TNR: variants seen among roughly 807,000 people sequenced by gnomAD.
TNR encodes tenascin-R.
Under a neutral mutation model 150.4 loss-of-function variants are expected in TNR, and 45 were observed. The ratio of observed to expected loss-of-function variants is 0.30; its 90% CI spans 0.24 to 0.38. The LOEUF (loss-of-function observed/expected upper bound fraction) is 0.38. Ranked by LOEUF, TNR falls within the 10% of genes least tolerant of loss-of-function variation. TNR has a pLI of 1.00. For missense variants in TNR, 1,544 were observed against 1,759.1 expected (o/e 0.88, Z 2.19); for synonymous variants, 687 against 678.4 (o/e 1.01, Z -0.20).
intron 1 of TNR, among the ~76,000 whole-genome samples, chr1:175,653,993 T>G (rs114148141): frequency 1.9e-3 from 291 of 152,336 alleles, no homozygotes; most frequent in African/African-American, 6.8e-3. Context: ...TAAGAATACT[T>G]TTTCTACAAG....
chr1:175,718,602 A>G (rs1667219750), intron 1 of TNR, among the ~76,000 whole-genome samples: 1 of 152,172 alleles, frequency 6.6e-6, no homozygotes, highest in South Asian at 2.1e-4. Flanking sequence ...AGAGACTTTT[A>G]TCTCCCCTCG....
At chr1:175,584,135 C>A (rs1392064833) in intron 1 of TNR, among the ~76,000 whole-genome samples, 2 of 152,150 alleles carry the variant, frequency 1.3e-5, no homozygotes, top group Non-Finnish European at 2.9e-5. Flanking sequence ...CAGAATGTGA[C>A]CCCATTTGGA....
chr1:175,581,715 T>C (rs7515543), intron 1 of TNR, among the ~76,000 whole-genome samples: 2,570 of 152,304 alleles, frequency 0.017, 69 homozygotes, highest in African/African-American at 0.059. Flanking sequence ...ATTTGCAAAA[T>C]GACAGATTAG....
intron 2 of TNR, among the ~76,000 whole-genome samples, chr1:175,455,823 G>A (rs766522160): frequency 5.9e-5 from 9 of 152,212 alleles, no homozygotes; most frequent in Non-Finnish European, 1.0e-4. Context: ...GGTCCTTGAG[G>A]ATGAAAGTTG....
chr1:175,686,900 C>T (rs1289516204), intron 1 of TNR, among the ~76,000 whole-genome samples: 1 of 152,174 alleles, frequency 6.6e-6, no homozygotes, highest in Non-Finnish European at 1.5e-5. Flanking sequence ...TTGATGGACA[C>T]TTAAGTTGAT....
At chr1:175,472,666 T>A (rs1657355285) in intron 2 of TNR, among the ~76,000 whole-genome samples, 1 of 152,220 alleles carries the variant, frequency 6.6e-6, no homozygotes, top group African/African-American at 2.4e-5. Context: ...AAATCGTGGT[T>A]ACACAGCACA....
At chr1:175,398,966 A>G (rs1653568622) in intron 4 of TNR, among the ~76,000 whole-genome samples, 1 of 152,246 alleles carries the variant, frequency 6.6e-6, no homozygotes, top group Admixed American at 6.5e-5. Flanking sequence ...AGAGTGGGTC[A>G]TAGCAGAACT....
rs2239819 is a variant in TNR at position 175,406,333 on chromosome 1, C to G, written c.382G>C (p.Ala128Pro). ...TCCTGCAGCACCTGGGCTGAACTGG[C>G]ACATGGACAGGCCTTTTTGGGGAAG... ...INFPKKACPC[A>P]SSAQVLQELL... is the part of the protein sequence containing the mutation. Residue 128 changes from alanine to proline, a missense_variant, in exon 3 of 23, where the codon GCC (alanine) becomes CCC (proline). Ala to Pro is a conservative substitution (Grantham distance 27). Transcript: ENST00000367674. 4 of 1,613,910 alleles carry G rather than the reference C, an allele frequency of 2.5e-6. No homozygotes were observed. Among genetic ancestry groups the G allele is most frequent in the African/African-American group, 1.3e-5 (1 of 74,970 alleles).
chr1:175,431,500 T>C (rs1655257521), intron 2 of TNR, among the ~76,000 whole-genome samples: 1 of 152,186 alleles, frequency 6.6e-6, no homozygotes, highest in Non-Finnish European at 1.5e-5. Context: ...TTTTTCCTCT[T>C]CTCTCCCTTC....
chr1:175,570,376 C>G (rs928060292), intron 1 of TNR, among the ~76,000 whole-genome samples: 1 of 152,142 alleles, frequency 6.6e-6, no homozygotes, highest in African/African-American at 2.4e-5. Context: ...AGGAGCTGAG[C>G]TTTTATGAGG....
chr1:175,534,942 T>C (rs1407612221), intron 1 of TNR, among the ~76,000 whole-genome samples: 2 of 152,208 alleles, frequency 1.3e-5, no homozygotes, highest in Non-Finnish European at 1.5e-5. Flanking sequence ...TTTCCCCCTT[T>C]GCTTGATACT....
chr1:175,464,139 T>G (rs542694904), intron 2 of TNR, among the ~76,000 whole-genome samples: 2 of 152,294 alleles, frequency 1.3e-5, no homozygotes, highest in East Asian at 3.9e-4. Flanking sequence ...CAACACTTAA[T>G]AGAAAGCCTT....
At chr1:175,708,923 A>G (rs1666915092) in intron 1 of TNR, among the ~76,000 whole-genome samples, 2 of 152,218 alleles carry the variant, frequency 1.3e-5, no homozygotes, top group Non-Finnish European at 2.9e-5. Flanking sequence ...AGGAGCTTAC[A>G]GTCTCATAGA....
chr1:175,588,548 T>A (rs1274707918), intron 1 of TNR, among the ~76,000 whole-genome samples: 1 of 152,152 alleles, frequency 6.6e-6, no homozygotes, highest in African/African-American at 2.4e-5. Context: ...TGAAACTTTT[T>A]CTCTCTTTTT....
intron 1 of TNR, among the ~76,000 whole-genome samples, chr1:175,723,266 A>G (rs1386462843): frequency 1.3e-5 from 2 of 152,210 alleles, no homozygotes; most frequent in Non-Finnish European, 2.9e-5. Flanking sequence ...ATCTAAACAT[A>G]TTCCTCATAC....
chr1:175,455,485 G>A (rs1283775431), intron 2 of TNR, among the ~76,000 whole-genome samples: 1 of 152,228 alleles, frequency 6.6e-6, no homozygotes, highest in African/African-American at 2.4e-5. Flanking sequence ...CTAGCAGTAG[G>A]AGCAGGCATG....
chr1:175,710,473 T>C (rs1404501390), intron 1 of TNR, among the ~76,000 whole-genome samples: 1 of 152,176 alleles, frequency 6.6e-6, no homozygotes, highest in Non-Finnish European at 1.5e-5. Context: ...GTGACATATT[T>C]GGGAGTTCTG....
chr1:175,638,307 G>C (rs773771175), intron 1 of TNR, among the ~76,000 whole-genome samples: 11 of 152,184 alleles, frequency 7.2e-5, no homozygotes, highest in Non-Finnish European at 1.3e-4. Context: ...ATAACCAACT[G>C]TGGCACTCTT....
chr1:175,722,574 C>T (rs1437104499), intron 1 of TNR, among the ~76,000 whole-genome samples: 1 of 151,808 alleles, frequency 6.6e-6, no homozygotes, highest in Non-Finnish European at 1.5e-5. Flanking sequence ...AAGCAATCCT[C>T]CCATCTCAGC....
Sources: allele counts gnomAD v4.1 joint callset (sites outside exome capture counted in the v4.1 genomes callset), GRCh38; gene constraint gnomAD v4.1.1; transcripts MANE v1.5; gene names NCBI Gene and HGNC (gene_info 2026-07-23, HGNC 2026-07-21).